The following KLHL3 variants were observed in gnomAD, a reference collection of about 807,000 sequenced individuals.
KLHL3 encodes kelch-like protein 3.
Under a neutral mutation model 70.5 loss-of-function variants are expected in KLHL3, and 19 were observed. That is an observed-to-expected ratio of 0.27 (90% CI 0.19 to 0.40). The LOEUF (loss-of-function observed/expected upper bound fraction) is 0.40. Among genes scored for constraint, KLHL3 ranks in the 10% least tolerant of loss-of-function variants. The pLI, the probability that KLHL3 is intolerant of heterozygous loss-of-function variation, is 1.00. For synonymous variants in KLHL3, 258 were observed against 290.3 expected (o/e 0.89, Z 1.13); for missense variants, 512 against 771.1 (o/e 0.66, Z 3.98).
At chr5:137,682,940 A>G (rs1423385079) in intron 5 of KLHL3, among the ~76,000 whole-genome samples, 1 of 152,154 alleles carries the variant, frequency 6.6e-6, no homozygotes, top group African/African-American at 2.4e-5. Flanking sequence ...TCTAACCTAC[A>G]AGCTCAGAAC....
At chr5:137,719,900 C>T (rs1266439394) in intron 2 of KLHL3, among the ~76,000 whole-genome samples, 1 of 152,084 alleles carries the variant, frequency 6.6e-6, no homozygotes, top group African/African-American at 2.4e-5. Flanking sequence ...CTTGCTGTAA[C>T]CATAAAGGAT....
In KLHL3 at chr5:137,662,035, T is replaced by C. The variant is rs749326599; in HGVS notation, c.637-4A>G. 6.6e-7 allele frequency: 1 copy of C among 1,513,328 alleles called. No individual in the cohort carries two copies. The highest frequency in any genetic ancestry group is 9.0e-7 in the Non-Finnish European group (1 of 1,111,454). 93.7% of individuals were successfully genotyped at this position (1,513,328 alleles called of 1,614,324 possible). A position where few individuals can be genotyped will look rare whatever the true frequency, so the allele number is the denominator to read the frequency against. On this transcript the variant is annotated splice_region_variant and splice_polypyrimidine_tract_variant and intron_variant, in intron 6 of 14. Transcript: ENST00000309755. ...ATGAGATCACAGCTTCAAACACCTA[T>C]AAAGAAAAGCAACATGGGCAACTTC...
chr5:137,659,606 C>A (rs762792691), intron 7 of KLHL3, among the ~76,000 whole-genome samples: 8 of 152,078 alleles, frequency 5.3e-5, no homozygotes, highest in Non-Finnish European at 1.0e-4. Flanking sequence ...GAGAGGATGC[C>A]TGAAAAAGCT....
chr5:137,709,428 A>G (rs1752750430), intron 3 of KLHL3, among the ~76,000 whole-genome samples: 1 of 152,214 alleles, frequency 6.6e-6, no homozygotes, highest in Non-Finnish European at 1.5e-5. Context: ...AGAGATCAGA[A>G]GACCTGGCCA....
In KLHL3 at chr5:137,621,214, T is replaced by C. The variant is rs1410664325; in HGVS notation, c.*884A>G. 1 of 152,690 alleles carries C rather than the reference T, an allele frequency of 6.5e-6. No homozygotes were observed. The highest frequency in any genetic ancestry group is 2.4e-5 in the African/African-American group (1 of 41,418). 9.5% of individuals were successfully genotyped at this position (152,690 alleles called of 1,614,324 possible). A position where few individuals can be genotyped will look rare whatever the true frequency, so the allele number is the denominator to read the frequency against. ...AGGAACTGAATCCTTACCACTTTGGTTTTTTGTTTTTTTCCTGTTTTTGTT... is the reference window on the plus strand; with the variant it reads ...AGGAACTGAATCCTTACCACTTTGGCTTTTTGTTTTTTTCCTGTTTTTGTT... On this transcript the variant is annotated 3_prime_UTR_variant, in exon 15 of 15. Transcript: ENST00000309755.
At chr5:137,665,324 T>C (rs1400586658) in intron 6 of KLHL3, among the ~76,000 whole-genome samples, 4 of 152,264 alleles carry the variant, frequency 2.6e-5, no homozygotes, top group African/African-American at 9.6e-5. Context: ...ATCCACTATA[T>C]GTTAGATAAT....
intron 11 of KLHL3, among the ~76,000 whole-genome samples, chr5:137,636,074 A>G (rs1750759701): frequency 1.3e-5 from 2 of 152,252 alleles, no homozygotes; most frequent in Admixed American, 1.3e-4. Flanking sequence ...CTTGGCAGAC[A>G]AATCAATTTC....
intron 2 of KLHL3, 126 bp downstream of exon 2, chr5:137,720,339 G>T (rs1013510877): frequency 1.1e-5 from 12 of 1,117,308 alleles, no homozygotes; most frequent in South Asian, 1.5e-5. Context: ...GAACTCAAGT[G>T]ACTAAGAATG....
chr5:137,662,526 A>G (rs1198152017), intron 6 of KLHL3, among the ~76,000 whole-genome samples: 5 of 152,194 alleles, frequency 3.3e-5, no homozygotes, highest in African/African-American at 1.2e-4. Flanking sequence ...CCTCTGCCCA[A>G]AGCTGGCTGT....
Position 137,670,540 on chromosome 5 carries a change from TA to T in KLHL3, c.636+7004del, listed in dbSNP as rs1751728440. On this transcript the variant is annotated intron_variant, in intron 6 of 14. Coordinates refer to ENST00000309755, the MANE Select transcript of KLHL3 (RefSeq NM_017415.3). ...AAACACATCATACTGTATCCTCAAA[TA>T]TCCCTTAAAGGTTCACAAAGCTCAT... 4.0e-5 allele frequency among the ~76,000 whole-genome samples: 6 copies of T among 151,376 alleles called. No homozygotes were observed. In the South Asian group the frequency reaches 8.4e-4, roughly 21 times the overall value.
chr5:137,664,449 T>C (rs998107471), intron 6 of KLHL3, among the ~76,000 whole-genome samples: 1 of 152,026 alleles, frequency 6.6e-6, no homozygotes, highest in Non-Finnish European at 1.5e-5. Context: ...GTAAAAGGAA[T>C]GACGGAATTA....
chr5:137,669,181 CCA>C (rs1751688757), intron 6 of KLHL3, among the ~76,000 whole-genome samples: 1 of 152,192 alleles, frequency 6.6e-6, no homozygotes. Context: ...TGATTTCAAT[CCA>C]CACTTTCACA....
chr5:137,658,525 T>A (rs1038400431), intron 7 of KLHL3, among the ~76,000 whole-genome samples: 2 of 152,238 alleles, frequency 1.3e-5, no homozygotes, highest in South Asian at 4.1e-4. Flanking sequence ...AGTTTCCTCA[T>A]CTGTAAAATG....
intron 3 of KLHL3, chr5:137,706,036 G>A: frequency 1.0e-6 from 1 of 985,374 alleles, no homozygotes; most frequent in Non-Finnish European, 1.2e-6. Context: ...ACTCTCTGAT[G>A]GGCACTCAGA....
Position 137,619,032 on chromosome 5 carries a change from A to C in KLHL3, c.*3066T>G, listed in dbSNP as rs1010590234. ...GCAAAGAACACAACATTTCATTATC[A>C]TGGACAATAAAAAGCGATTCAAACT... On this transcript the variant is annotated 3_prime_UTR_variant, in exon 15 of 15. Transcript: ENST00000309755. 1 of 152,532 alleles carries C rather than the reference A, an allele frequency of 6.6e-6. No homozygotes were observed. The highest frequency in any genetic ancestry group is 6.5e-5 in the Admixed American group (1 of 15,286). The allele number at this position is 152,532 out of a possible 1,614,324, so 9.4% of individuals were successfully genotyped here.
chr5:137,672,312 C>A (rs1751779484), intron 6 of KLHL3, among the ~76,000 whole-genome samples: 1 of 152,194 alleles, frequency 6.6e-6, no homozygotes, highest in Non-Finnish European at 1.5e-5. Flanking sequence ...CCCACAACCA[C>A]CTTGCTGGAA....
At chr5:137,672,754 G>A (rs964153979) in intron 6 of KLHL3, 2 of 152,212 alleles carry the variant, frequency 1.3e-5, no homozygotes, top group African/African-American at 4.8e-5. Context: ...GAACTCAGGA[G>A]TCATATCTCT....
chr5:137,651,903 C>T (rs982471369), intron 8 of KLHL3, among the ~76,000 whole-genome samples: 3 of 152,156 alleles, frequency 2.0e-5, no homozygotes, highest in African/African-American at 7.2e-5. Context: ...AACACATATA[C>T]AGTCAATTAT....
intron 1 of KLHL3, among the ~76,000 whole-genome samples, chr5:137,728,375 T>C (rs1753118286): frequency 6.6e-6 from 1 of 152,082 alleles, no homozygotes; most frequent in Non-Finnish European, 1.5e-5. Context: ...GATAAGTAAA[T>C]TAGGTTTAAC....
Sources: allele counts gnomAD v4.1 joint callset (sites outside exome capture counted in the v4.1 genomes callset), GRCh38; gene constraint gnomAD v4.1.1; transcripts MANE v1.5; gene names NCBI Gene and HGNC (gene_info 2026-07-23, HGNC 2026-07-21).